Variants in SLCO1A2 observed in about 807,000 individuals in gnomAD.
The protein encoded by SLCO1A2 is solute carrier organic anion transporter family member 1A2, also known as OATP-1.
A neutral mutation model predicts 69.0 loss-of-function variants in SLCO1A2; 67 were observed. The observed-to-expected ratio is 0.97, with a 90% CI of 0.80 to 1.19. SLCO1A2 has a LOEUF of 1.19. Ranked by LOEUF, SLCO1A2 falls within the 50% of genes most tolerant of loss-of-function variation. The probability of loss-of-function intolerance (pLI) is 0.00; values close to 1 mark genes in which losing one functional copy is unlikely to be tolerated. For synonymous variants in SLCO1A2, 260 were observed against 265.9 expected (o/e 0.98, Z 0.22); for missense variants, 787 against 793.7 (o/e 0.99, Z 0.10).
chr12:21,277,156 G>A (rs1944009696), intron 12 of SLCO1A2, among the ~76,000 whole-genome samples: 1 of 152,126 alleles, frequency 6.6e-6, no homozygotes, highest in Non-Finnish European at 1.5e-5. Context: ...TTGAGGAGAG[G>A]GGAGAAATGA....
intron 8 of SLCO1A2, among the ~76,000 whole-genome samples, chr12:21,299,781 TATATATATACAC>T (rs1220244199): frequency 2.6e-5 from 3 of 116,228 alleles, no homozygotes; most frequent in African/African-American, 4.0e-5. Context: ...TATATATATA[TATATATATACAC>T]ACACACGTAT....
chr12:21,286,061 G>A (rs1339321544), intron 12 of SLCO1A2, among the ~76,000 whole-genome samples: 1 of 151,784 alleles, frequency 6.6e-6, no homozygotes, highest in Non-Finnish European at 1.5e-5. Flanking sequence ...AAAAGAGGAA[G>A]TCAAATTGTC....
At chr12:21,278,148 T>TG (rs1272870247) in intron 12 of SLCO1A2, among the ~76,000 whole-genome samples, 1 of 151,158 alleles carries the variant, frequency 6.6e-6, no homozygotes, top group Non-Finnish European at 1.5e-5. Context: ...GGCCATGGGG[T>TG]GGGGCTCCTC....
At chr12:21,328,143 T>C (rs907858662) in intron 2 of SLCO1A2, among the ~76,000 whole-genome samples, 2 of 152,184 alleles carry the variant, frequency 1.3e-5, no homozygotes, top group Non-Finnish European at 2.9e-5. Flanking sequence ...TCCTTTACCT[T>C]CCGTCGTAAT....
rs1163093057 is a variant in SLCO1A2, at chr12:21,346,051, A to G, written c.-62-11342T>C. On this transcript the variant is annotated intron_variant, in intron 2 of 15. Transcript: ENST00000307378. The stretch of plus-strand genomic sequence containing the variant: ...AATAAATTAATGAATATATTCTTAT[A>G]TGTGAAAAATATACTCTAAACACTA... Among the ~76,000 whole-genome samples the G allele has an allele frequency of 2.0e-5, 3 of 152,038 alleles. 1 individual carries two copies. Among genetic ancestry groups the G allele is most frequent in the Admixed American group, 1.3e-4 (2 of 15,252 alleles).
At chr12:21,334,545 A>T in intron 2 of SLCO1A2, 43 bp downstream of exon 2, 1 of 1,433,472 alleles carries the variant, frequency 7.0e-7, no homozygotes, top group Non-Finnish European at 9.7e-7. Flanking sequence ...TATTTTAAAA[A>T]CTAGTGTACA....
At chr12:21,332,572 A>C (rs1294094720) in intron 2 of SLCO1A2, among the ~76,000 whole-genome samples, 1 of 152,098 alleles carries the variant, frequency 6.6e-6, no homozygotes, top group Non-Finnish European at 1.5e-5. Flanking sequence ...TTTTTAGACT[A>C]ACTTTGGAAG....
chr12:21,284,095 T>G (rs945494664), intron 12 of SLCO1A2, among the ~76,000 whole-genome samples: 9 of 152,212 alleles, frequency 5.9e-5, no homozygotes, highest in African/African-American at 2.2e-4. Context: ...GAAGTCAGTG[T>G]ATCGAAGAGA....
At chr12:21,339,626 A>T (rs77821271), upstream of SLCO1A2, among the ~76,000 whole-genome samples, 2 of 151,972 alleles carry the variant, frequency 1.3e-5, no homozygotes, top group African/African-American at 4.8e-5. Flanking sequence ...GCTAAAAAAA[A>T]TTGTGGGATT....
intron 13 of SLCO1A2, 117 bp from the exon 14 acceptor site, chr12:21,274,703 G>T: frequency 1.4e-5 from 11 of 767,774 alleles, no homozygotes; most frequent in South Asian, 4.1e-5. Context: ...TAAATCTAAT[G>T]GTCTAAATTT....
intron 2 of SLCO1A2, among the ~76,000 whole-genome samples, chr12:21,360,369 G>A (rs1316033277): frequency 1.3e-5 from 2 of 152,112 alleles, no homozygotes; most frequent in Non-Finnish European, 2.9e-5. Flanking sequence ...TAAATAAATG[G>A]GCCAATAAGG....
upstream of SLCO1A2, among the ~76,000 whole-genome samples, chr12:21,337,150 C>T (rs1318201903): frequency 6.6e-6 from 1 of 152,004 alleles, no homozygotes; most frequent in African/African-American, 2.4e-5. Context: ...ACTATATACA[C>T]ATTGTTATGT....
At chr12:21,397,259 A>G (rs1273708493), upstream of SLCO1A2, among the ~76,000 whole-genome samples, 2 of 150,794 alleles carry the variant, frequency 1.3e-5, no homozygotes, top group Non-Finnish European at 3.0e-5. Context: ...ACCAACAAAG[A>G]TCAAAAGAGA....
At chr12:21,374,745 A>T (rs73080826) in intron 1 of SLCO1A2, among the ~76,000 whole-genome samples, 1,556 of 152,254 alleles carry the variant, frequency 0.01, 18 homozygotes, top group Middle Eastern at 0.071. Context: ...ATATCTTGAT[A>T]CTTTCTTTCA....
At chr12:21,317,730 C>G (rs1472029550) in intron 3 of SLCO1A2, among the ~76,000 whole-genome samples, 2 of 152,148 alleles carry the variant, frequency 1.3e-5, no homozygotes, top group East Asian at 3.9e-4. Context: ...TGCTTCTCCT[C>G]AATCCTGATT....
At chr12:21,292,658 C>T (rs978191146) in intron 11 of SLCO1A2, among the ~76,000 whole-genome samples, 1 of 151,932 alleles carries the variant, frequency 6.6e-6, no homozygotes, top group Non-Finnish European at 1.5e-5. Context: ...TGCAGTGGTG[C>T]GATCTCGGCT....
intron 1 of SLCO1A2, among the ~76,000 whole-genome samples, chr12:21,389,668 TAGAC>T (rs1210060947): frequency 6.6e-6 from 1 of 151,936 alleles, no homozygotes; most frequent in Non-Finnish European, 1.5e-5. Flanking sequence ...ATTTAGATAT[TAGAC>T]AGACCAACCA....
intron 7 of SLCO1A2, 95 bp from the exon 8 acceptor site, chr12:21,300,664 C>A: frequency 1.0e-6 from 1 of 1,002,824 alleles, no homozygotes; most frequent in East Asian, 2.7e-5. Flanking sequence ...GGGTCCCAAC[C>A]AACTATAAAA....
chr12:21,327,519 G>C (rs983258541), intron 2 of SLCO1A2, among the ~76,000 whole-genome samples: 3 of 152,156 alleles, frequency 2.0e-5, no homozygotes, highest in Non-Finnish European at 4.4e-5. Context: ...ACTGTACCCT[G>C]CAAAGTCCCA....
Sources: allele counts gnomAD v4.1 joint callset (sites outside exome capture counted in the v4.1 genomes callset), GRCh38; gene constraint gnomAD v4.1.1; transcripts MANE v1.5; gene names NCBI Gene and HGNC (gene_info 2026-07-23, HGNC 2026-07-21).